Variants in ATP2B2 observed in about 807,000 individuals in gnomAD.
The protein encoded by ATP2B2 is plasma membrane calcium-transporting ATPase 2.
In ATP2B2, 15 loss-of-function variants were observed where a neutral mutation model predicts 120.0. That is an observed-to-expected ratio of 0.12 (90% CI 0.08 to 0.19). ATP2B2 has a LOEUF of 0.19. Ranked by LOEUF, ATP2B2 falls within the 10% of genes least tolerant of loss-of-function variation. The probability of loss-of-function intolerance (pLI) is 1.00; values close to 1 mark genes in which losing one functional copy is unlikely to be tolerated. For missense variants in ATP2B2, 1,045 were observed against 1,719.8 expected, an observed-to-expected ratio of 0.61 and a Z score of 6.94; for synonymous variants, 694 against 700.3, an observed-to-expected ratio of 0.99 and a Z score of 0.14.
At position 10,635,510 on chromosome 3, in the gene ATP2B2, G is replaced by A. The variant is rs2069997978; in HGVS notation, c.-459-15549C>T. ...CTGCTTACGTGCCAGAGACTCTAAAGCCCATCCTGTTCCCCTCTCCCTCTC... is the reference window on the plus strand; with the variant it reads ...CTGCTTACGTGCCAGAGACTCTAAAACCCATCCTGTTCCCCTCTCCCTCTC... On this transcript the variant is annotated intron_variant, in intron 1 of 21. Coordinates refer to the ATP2B2 transcript ENST00000646379. This position sits in a 1 kb window ranked among gnomAD's most constrained non-coding sequence, Gnocchi z 4.3. Among the ~76,000 whole-genome samples, 1 of 152,086 alleles carries A rather than the reference G, an allele frequency of 6.6e-6. No homozygotes were observed. Among genetic ancestry groups the A allele is most frequent in the African/African-American group, 2.4e-5 (1 of 41,394 alleles).
In ATP2B2 at chr3:10,341,225, T is replaced by C. The variant is rs543563848; in HGVS notation, c.2918-521A>G. 2.6e-5 allele frequency among the ~76,000 whole-genome samples: 4 copies of C among 152,290 alleles called. No homozygotes were observed. In the South Asian group the frequency reaches 8.3e-4, roughly 32 times the overall value. On this transcript the variant is annotated intron_variant, in intron 19 of 22. Coordinates refer to ENST00000360273, the MANE Select transcript of ATP2B2 (RefSeq NM_001001331.4). ...CTCTGGACCCTCCCATGTGGCTTCATTCTAACACCTGAGCTGTCACATGGC... is the reference window on the plus strand; with the variant it reads ...CTCTGGACCCTCCCATGTGGCTTCACTCTAACACCTGAGCTGTCACATGGC...
chr3:10,504,284 C>T (rs746435985), intron 1 of ATP2B2, among the ~76,000 whole-genome samples: 10 of 152,124 alleles, frequency 6.6e-5, no homozygotes, highest in East Asian at 1.9e-4. Flanking sequence ...CTACTGCACA[C>T]GTCAAAGGAG....
At chr3:10,453,317 C>A (rs558894012) in intron 1 of ATP2B2, among the ~76,000 whole-genome samples, 6 of 152,302 alleles carry the variant, frequency 3.9e-5, no homozygotes, top group African/African-American at 7.2e-5. Flanking sequence ...TACTTAGAAC[C>A]AAGCCCAGAA....
At position 10,340,148 on chromosome 3, in the gene ATP2B2, TG is replaced by T; in HGVS notation, c.3237+93del. Reference sequence around the variant, plus strand: ...GATAGGGAGGAGCTTGCCTGGGGTCTGGCAGCCCATTCCTGGGGGTCCTGGA... The same window carrying T: ...GATAGGGAGGAGCTTGCCTGGGGTCTGCAGCCCATTCCTGGGGGTCCTGGA... On this transcript the variant is annotated intron_variant, in intron 21 of 22. Coordinates refer to ENST00000360273, the MANE Select transcript of ATP2B2 (RefSeq NM_001001331.4). This position sits in a 1 kb window ranked among gnomAD's most constrained non-coding sequence, Gnocchi z 5.0. 8.1e-7 allele frequency: 1 copy of T among 1,234,540 alleles called. No homozygotes were observed. Among genetic ancestry groups the T allele is most frequent in the Non-Finnish European group, 1.2e-6 (1 of 852,226 alleles). 76.5% of individuals were successfully genotyped at this position (1,234,540 alleles called of 1,614,324 possible).
intron 22 of ATP2B2, among the ~76,000 whole-genome samples, chr3:10,334,554 C>T (rs568476799): frequency 4.7e-4 from 71 of 152,234 alleles, no homozygotes; most frequent in African/African-American, 1.5e-3. Context: ...TGCCTAGTGA[C>T]GGTATCTCAT....
At chr3:10,454,083 T>C (rs1432783834) in intron 1 of ATP2B2, among the ~76,000 whole-genome samples, 1 of 151,724 alleles carries the variant, frequency 6.6e-6, no homozygotes, top group Non-Finnish European at 1.5e-5. Context: ...AACCATCCAT[T>C]CAATGATTGT....
intron 15 of ATP2B2, 40 bp from the exon 16 acceptor site, chr3:10,350,239 G>GGGA: frequency 2.5e-6 from 4 of 1,585,370 alleles, no homozygotes; most frequent in Non-Finnish European, 3.5e-6. Flanking sequence ...GGTGGGGTCG[G>GGGA]GGAGAGAAAC....
chr3:10,700,702 G>A (rs2071803961), intron 1 of ATP2B2, among the ~76,000 whole-genome samples: 1 of 152,228 alleles, frequency 6.6e-6, no homozygotes, highest in Non-Finnish European at 1.5e-5. Flanking sequence ...AGAATGGACT[G>A]AGTTATGCTC....
intron 2 of ATP2B2, among the ~76,000 whole-genome samples, chr3:10,563,026 A>G (rs1471426499): frequency 6.6e-6 from 1 of 152,138 alleles, no homozygotes; most frequent in Non-Finnish European, 1.5e-5. Context: ...TCCCTAGTTA[A>G]TTTCTTTTCA....
intron 1 of ATP2B2, among the ~76,000 whole-genome samples, chr3:10,622,838 C>T (rs946443371): frequency 1.7e-4 from 26 of 152,154 alleles, no homozygotes; most frequent in African/African-American, 5.3e-4. Flanking sequence ...CCTAATTTCA[C>T]AGGTCGGTCA....
At position 10,339,488 on chromosome 3, in the gene ATP2B2, G is replaced by A. The variant is rs373192371; in HGVS notation, c.3237+754C>T. Among the ~76,000 whole-genome samples, 36 of 152,294 alleles carry A rather than the reference G, an allele frequency of 2.4e-4. No homozygotes were observed. In the South Asian group the frequency reaches 7.0e-3, roughly 30 times the overall value. On this transcript the variant is annotated intron_variant, in intron 21 of 22. Coordinates refer to ENST00000360273, the MANE Select transcript of ATP2B2 (RefSeq NM_001001331.4). The stretch of plus-strand genomic sequence containing the variant: ...GTTCTGGGCCCTCCTCCCAAGCCCT[G>A]TGTCCTGGGTCAGGAGCCTTTGGGC...
At chr3:10,461,312 C>T (rs777847959) in intron 1 of ATP2B2, among the ~76,000 whole-genome samples, 80 of 152,342 alleles carry the variant, frequency 5.3e-4, no homozygotes, top group Non-Finnish European at 6.9e-4. Context: ...CCCTGGTTAT[C>T]TCCACCCAGA....
At chr3:10,369,287 G>A (rs2061158592) in intron 12 of ATP2B2, among the ~76,000 whole-genome samples, 2 of 152,266 alleles carry the variant, frequency 1.3e-5, no homozygotes, top group South Asian at 4.1e-4. Context: ...GTCTTCATCT[G>A]AACCTAGAAA....
chr3:10,701,583 C>T (rs912983225), intron 1 of ATP2B2, among the ~76,000 whole-genome samples: 7 of 151,966 alleles, frequency 4.6e-5, no homozygotes, highest in African/African-American at 1.5e-4. Context: ...CATTTATTAA[C>T]CACCTACTAT....
intron 2 of ATP2B2, among the ~76,000 whole-genome samples, chr3:10,547,575 A>C (rs1252038507): frequency 6.6e-6 from 1 of 152,184 alleles, no homozygotes; most frequent in Non-Finnish European, 1.5e-5. Context: ...TATGCCCATT[A>C]TTCCACTCAC....
intron 3 of ATP2B2, among the ~76,000 whole-genome samples, chr3:10,527,984 G>A (rs995280997): frequency 2.6e-5 from 4 of 152,172 alleles, no homozygotes; most frequent in African/African-American, 9.7e-5. Context: ...AGGGGAGCAG[G>A]GCTGGCCACT....
chr3:10,599,349 G>A (rs2068844487), intron 2 of ATP2B2, among the ~76,000 whole-genome samples: 2 of 152,204 alleles, frequency 1.3e-5, no homozygotes, highest in East Asian at 3.9e-4. Flanking sequence ...TCCACCTTTG[G>A]CTCTTCTGTC....
chr3:10,604,105 G>A (rs1014370935), intron 2 of ATP2B2, among the ~76,000 whole-genome samples: 1 of 152,110 alleles, frequency 6.6e-6, no homozygotes, highest in African/African-American at 2.4e-5. Context: ...AAACACCACT[G>A]AGTTACCCAG....
intron 11 of ATP2B2, among the ~76,000 whole-genome samples, chr3:10,372,735 T>G (rs551335148): frequency 6.6e-6 from 1 of 152,356 alleles, no homozygotes; most frequent in East Asian, 1.9e-4. Context: ...AACATCCTTT[T>G]TTTTTGAAAT....
Sources: allele counts gnomAD v4.1 joint callset (sites outside exome capture counted in the v4.1 genomes callset), GRCh38; gene constraint gnomAD v4.1.1; non-coding constraint Gnocchi (gnomAD v3.1); transcripts MANE v1.5; gene names NCBI Gene and HGNC (gene_info 2026-07-23, HGNC 2026-07-21).